HMCN2: variants seen among roughly 807,000 people sequenced by gnomAD.
HMCN2 encodes the protein hemicentin 2, also known as hemicentin-2.
A neutral mutation model predicts 377.5 loss-of-function variants in HMCN2; 325 were observed. The ratio of observed to expected loss-of-function variants is 0.86; its 90% CI spans 0.79 to 0.94. The LOEUF is 0.94. Among genes scored for constraint, HMCN2 ranks in the 40% least tolerant of loss-of-function variants. The pLI, the probability that HMCN2 is intolerant of heterozygous loss-of-function variation, is 0.00. For synonymous variants in HMCN2, 2,007 were observed against 2,046.8 expected, an observed-to-expected ratio of 0.98 and a Z score of 0.53; for missense variants, 4,543 against 4,725.3, an observed-to-expected ratio of 0.96 and a Z score of 1.13.
rs776300223 is a variant in HMCN2 at position 130,384,809 on chromosome 9, G to A, written c.9106+11G>A. 38 of 1,297,866 alleles carry A rather than the reference G, an allele frequency of 2.9e-5. No homozygotes were observed. The highest frequency in any genetic ancestry group is 2.1e-4 in the Middle Eastern group (1 of 4,712). 80.4% of individuals were successfully genotyped at this position (1,297,866 alleles called of 1,614,324 possible). On this transcript the variant is annotated intron_variant, in intron 59 of 97. Coordinates refer to ENST00000683500, the MANE Select transcript of HMCN2 (RefSeq NM_001291815.2). ...AGCTCAGTGTTCTGGGTATGTCCAT[G>A]TCTGTCCCCAACTTGTACTGTCCCC...
rs1836786514 is a variant in HMCN2, at chr9:130,305,219, C to T, written c.1816+217C>T. ...CTGGGAAGTTCCTCCTAATATCTAA[C>T]TTAAATTTCTACTGCTGTACGCCAA... On this transcript the variant is annotated intron_variant, in intron 11 of 97. Transcript: ENST00000683500. 1.3e-5 allele frequency among the ~76,000 whole-genome samples: 2 copies of T among 152,214 alleles called. 1 individual carries two copies. Among genetic ancestry groups the T allele is most frequent in the Non-Finnish European group, 2.9e-5 (2 of 68,044 alleles).
At position 130,308,736 on chromosome 9, in the gene HMCN2, C is replaced by A. The variant is rs1373922134; in HGVS notation, c.2200+1170C>A. ...CTAGAGCCCCACTTTAAAAGGTGGC[C>A]TTGCCATGAAATATTCTTCCATCTT... On this transcript the variant is annotated intron_variant, in intron 14 of 97. Transcript: ENST00000683500. The surrounding 1 kb of genome is among the most constrained non-coding windows in gnomAD (Gnocchi z 4.1). 1.3e-5 allele frequency among the ~76,000 whole-genome samples: 2 copies of A among 152,218 alleles called. No homozygotes were observed. The highest frequency in any genetic ancestry group is 1.3e-4 in the Admixed American group (2 of 15,282).
intron 1 of HMCN2, among the ~76,000 whole-genome samples, chr9:130,279,316 A>G (rs1554924791): frequency 6.6e-6 from 1 of 151,972 alleles, no homozygotes; most frequent in Admixed American, 6.6e-5. Flanking sequence ...ACATCTTTAG[A>G]AAGGTGGGGG....
In HMCN2 at chr9:130,394,622, G is replaced by A; in HGVS notation, c.10692+47G>A. On this transcript the variant is annotated intron_variant, in intron 69 of 97. Transcript: ENST00000683500. This position sits in a 1 kb window ranked among gnomAD's most constrained non-coding sequence, Gnocchi z 5.1. Reference sequence around the variant, plus strand: ...GGCGAGGCTGGGGGTTGGGGGAGAGGGGAGGGACTGCAGGTTCCCCAGACC... The same window carrying A: ...GGCGAGGCTGGGGGTTGGGGGAGAGAGGAGGGACTGCAGGTTCCCCAGACC... 1 of 1,231,132 alleles carries A rather than the reference G, an allele frequency of 8.1e-7. No homozygotes were observed. Among genetic ancestry groups the A allele is most frequent in the South Asian group, 1.4e-5 (1 of 72,672 alleles). The allele number at this position is 1,231,132 out of a possible 1,614,324, so 76.3% of individuals were successfully genotyped here. A position where few individuals can be genotyped will look rare whatever the true frequency, so the allele number is the denominator to read the frequency against.
intron 14 of HMCN2, among the ~76,000 whole-genome samples, chr9:130,307,889 T>C (rs535968047): frequency 6.6e-6 from 1 of 152,276 alleles, no homozygotes; most frequent in African/African-American, 2.4e-5. Flanking sequence ...CAAAGATAGG[T>C]TGGTTGCGTG....
chr9:130,313,767 G>T (rs1837397139), intron 15 of HMCN2, among the ~76,000 whole-genome samples: 2 of 143,336 alleles, frequency 1.4e-5, no homozygotes, highest in African/African-American at 2.6e-5. Flanking sequence ...AAATGAATGT[G>T]TGTCCTCTTT....
rs1242804377 is a variant in HMCN2, at chr9:130,362,096, C to T, written c.6039C>T (p.Ala2013=). The T allele has an allele frequency of 2.0e-6, 2 of 985,950 alleles. No homozygotes were observed. Among genetic ancestry groups the T allele is most frequent in the Middle Eastern group, 5.2e-4 (1 of 1,936 alleles). 61.1% of individuals were successfully genotyped at this position (985,950 alleles called of 1,614,324 possible). A position where few individuals can be genotyped will look rare whatever the true frequency, so the allele number is the denominator to read the frequency against. The part of the protein sequence containing the change: ...PVRLTCNATG[A]PSPTLMWLKD... Reference sequence around the variant, plus strand: ...GGCTGACCTGCAATGCCACCGGTGCCCCCAGCCCCACACTGATGTGGCTGA... The same window carrying T: ...GGCTGACCTGCAATGCCACCGGTGCTCCCAGCCCCACACTGATGTGGCTGA... The change falls in exon 39 of 98, where the codon GCC becomes GCT. Residue 2013 remains alanine, a synonymous_variant. Coordinates refer to ENST00000683500, the MANE Select transcript of HMCN2 (RefSeq NM_001291815.2).
intron 27 of HMCN2, 110 bp from the exon 28 acceptor site, chr9:130,348,874 G>A: frequency 8.3e-7 from 1 of 1,210,368 alleles, no homozygotes. Context: ...AGAGAGCATG[G>A]CACCGTTCTG....
chr9:130,322,453 C>T (rs1281631575), intron 19 of HMCN2, among the ~76,000 whole-genome samples: 2 of 152,154 alleles, frequency 1.3e-5, no homozygotes, highest in Non-Finnish European at 2.9e-5. Flanking sequence ...CTGTCATTGT[C>T]TTGGCACCTA....
At chr9:130,400,109 C>T (rs1842792216) in intron 76 of HMCN2, among the ~76,000 whole-genome samples, 1 of 152,248 alleles carries the variant, frequency 6.6e-6, no homozygotes, top group South Asian at 2.1e-4. Flanking sequence ...GAACACTCTT[C>T]CCCTCACTCA....
At position 130,348,879 on chromosome 9, in the gene HMCN2, G is replaced by A. The variant is rs533506548; in HGVS notation, c.4156-105G>A. 3.6e-4 allele frequency: 436 copies of A among 1,217,598 alleles called. 3 individuals are homozygous for A. The highest frequency in any genetic ancestry group is 2.8e-4 in the Non-Finnish European group (266 of 933,908). The allele number at this position is 1,217,598 out of a possible 1,614,324, so 75.4% of individuals were successfully genotyped here. On this transcript the variant is annotated intron_variant, in intron 27 of 97. Transcript: ENST00000683500. ...GCTGCGTGGCAGAGAGCATGGCACC[G>A]TTCTGGCCACTGGCCACCTCTCGGG... is the stretch of plus-strand genomic sequence containing the variant.
intron 43 of HMCN2, among the ~76,000 whole-genome samples, chr9:130,367,056 C>G (rs893121093): frequency 2.6e-5 from 4 of 152,002 alleles, no homozygotes; most frequent in Non-Finnish European, 5.9e-5. Context: ...AAATGCACCC[C>G]AGGCGGAGGT....
intron 97 of HMCN2, chr9:130,432,893 G>A (rs759471532): frequency 3.7e-5 from 14 of 374,152 alleles, no homozygotes; most frequent in Middle Eastern, 7.2e-4. Flanking sequence ...GGTGGCAGCT[G>A]CTGCCCTGGA....
rs1836630272 is a variant in HMCN2 at position 130,303,403 on chromosome 9, G to T, written c.1422-84G>T. The T allele has an allele frequency of 8.7e-6, 3 of 344,850 alleles. No homozygotes were observed. Among genetic ancestry groups the T allele is most frequent in the South Asian group, 4.3e-5 (2 of 46,126 alleles). The allele number at this position is 344,850 out of a possible 1,614,324, so 21.4% of individuals were successfully genotyped here. On this transcript the variant is annotated intron_variant, in intron 9 of 97. Transcript: ENST00000683500. This position sits in a 1 kb window ranked among gnomAD's most constrained non-coding sequence, Gnocchi z 5.2. ...AGAGGAATTGGGGTCTCTCGTTTGG[G>T]CAGGATTCAGGGGACTGAAGTCGGG...
At chr9:130,295,604 G>A (rs1490753259) in intron 5 of HMCN2, 62 bp from the exon 6 acceptor site, 1 of 440,630 alleles carries the variant, frequency 2.3e-6, no homozygotes, top group Non-Finnish European at 4.7e-6. Flanking sequence ...CTGGAGACAT[G>A]CGGGGCTCCT....
intron 53 of HMCN2, among the ~76,000 whole-genome samples, chr9:130,378,040 T>C (rs368802481): frequency 9.9e-5 from 15 of 152,194 alleles, no homozygotes; most frequent in Middle Eastern, 3.4e-3. Flanking sequence ...GAGCCTGGAA[T>C]GGTCTGGTTG....
At chr9:130,388,639 C>A in intron 62 of HMCN2, 99 bp downstream of exon 62, 3 of 860,408 alleles carry the variant, frequency 3.5e-6, no homozygotes, top group African/African-American at 1.8e-5. Flanking sequence ...TGTTGATGAT[C>A]TTGGCAAAAC....
rs1839691955 is a variant in HMCN2 at position 130,351,128 on chromosome 9, A to G, written c.4431-295A>G. On this transcript the variant is annotated intron_variant, in intron 29 of 97. Transcript: ENST00000683500. The surrounding 1 kb of genome is among the most constrained non-coding windows in gnomAD (Gnocchi z 5.4). ...GTACTTCACATCACTGGCATCATAG[A>G]GTGTGTGGCCTTTTGTGTCTGGCTT... Among the ~76,000 whole-genome samples the G allele has an allele frequency of 6.6e-6, 1 of 152,080 alleles. No homozygotes were observed. The highest frequency in any genetic ancestry group is 2.4e-5 in the African/African-American group (1 of 41,410).
Position 130,347,907 on chromosome 9 carries a change from C to A in HMCN2, c.4024+547C>A. On this transcript the variant is annotated intron_variant, in intron 26 of 97. Transcript: ENST00000683500. This position sits in a 1 kb window ranked among gnomAD's most constrained non-coding sequence, Gnocchi z 5.1. Reference sequence around the variant, plus strand: ...GAGCACGGATGGCAGTGCAGAGCCCCAGAGCCCACCTCCGGGTTAAAACTG... The same window carrying A: ...GAGCACGGATGGCAGTGCAGAGCCCAAGAGCCCACCTCCGGGTTAAAACTG... 1 of 692,464 alleles carries A rather than the reference C, an allele frequency of 1.4e-6. No individual in the cohort carries two copies. Among genetic ancestry groups the A allele is most frequent in the Non-Finnish European group, 1.8e-6 (1 of 563,010 alleles). The allele number at this position is 692,464 out of a possible 1,614,324, so 42.9% of individuals were successfully genotyped here.
Sources: allele counts gnomAD v4.1 joint callset (sites outside exome capture counted in the v4.1 genomes callset), GRCh38; gene constraint gnomAD v4.1.1; non-coding constraint Gnocchi (gnomAD v3.1); transcripts MANE v1.5; gene names NCBI Gene and HGNC (gene_info 2026-07-23, HGNC 2026-07-21).